CAMK4: variants seen among roughly 807,000 people sequenced by gnomAD.
The protein encoded by CAMK4 is calcium/calmodulin dependent protein kinase IV, also known as calcium/calmodulin-dependent protein kinase type IV.
Under a neutral mutation model 44.9 loss-of-function variants are expected in CAMK4, and 22 were observed. The observed-to-expected ratio is 0.49, with a 90% CI of 0.35 to 0.70. CAMK4 has a LOEUF of 0.70. Among genes scored for constraint, CAMK4 ranks in the 30% least tolerant of loss-of-function variants. The probability of loss-of-function intolerance (pLI) is 0.01; values close to 1 mark genes in which losing one functional copy is unlikely to be tolerated. For synonymous variants in CAMK4, 218 were observed against 215.4 expected, an observed-to-expected ratio of 1.01 and a Z score of -0.11; for missense variants, 498 against 586.8, an observed-to-expected ratio of 0.85 and a Z score of 1.56.
intron 5 of CAMK4, among the ~76,000 whole-genome samples, chr5:111,399,517 T>G (rs532162470): frequency 6.6e-6 from 1 of 152,230 alleles, no homozygotes; most frequent in Admixed American, 6.5e-5. Flanking sequence ...CTGTTCACCT[T>G]TATATTCCCA....
At chr5:111,329,614 G>T (rs187654900) in intron 1 of CAMK4, among the ~76,000 whole-genome samples, 5 of 151,812 alleles carry the variant, frequency 3.3e-5, no homozygotes, top group Non-Finnish European at 7.4e-5. Flanking sequence ...GAACCCAGAA[G>T]TATAAATAAT....
chr5:111,423,612 C>A (rs1052520584), intron 5 of CAMK4, among the ~76,000 whole-genome samples: 1 of 152,204 alleles, frequency 6.6e-6, no homozygotes, highest in African/African-American at 2.4e-5. Flanking sequence ...GGCTCTCGAT[C>A]CTGCAGATTT....
chr5:111,446,487 A>T (rs1754032343), intron 5 of CAMK4, among the ~76,000 whole-genome samples, 199 bp from the exon 6 acceptor site: 1 of 152,226 alleles, frequency 6.6e-6, no homozygotes, highest in South Asian at 2.1e-4. Flanking sequence ...TTTAAATTGC[A>T]TCACATTTAG....
intron 1 of CAMK4, among the ~76,000 whole-genome samples, chr5:111,259,147 T>A (rs1216385069): frequency 6.6e-6 from 1 of 152,046 alleles, no homozygotes; most frequent in African/African-American, 2.4e-5. Flanking sequence ...AGAGGCAGAG[T>A]TTGTTTTCTT....
At chr5:111,341,885 C>T (rs998159823) in intron 1 of CAMK4, among the ~76,000 whole-genome samples, 2 of 151,316 alleles carry the variant, frequency 1.3e-5, no homozygotes, top group African/African-American at 4.8e-5. Context: ...TCACCTCTAC[C>T]CCAATCCAAT....
At chr5:111,393,450 T>C (rs1376297195) in intron 4 of CAMK4, among the ~76,000 whole-genome samples, 1 of 151,938 alleles carries the variant, frequency 6.6e-6, no homozygotes, top group African/African-American at 2.4e-5. Context: ...GAGATATTTC[T>C]CTGCCCCTTT....
intron 4 of CAMK4, among the ~76,000 whole-genome samples, chr5:111,392,816 C>G (rs1457853625): frequency 1.3e-5 from 2 of 152,064 alleles, no homozygotes; most frequent in Admixed American, 1.3e-4. Context: ...TATTCTAGGT[C>G]TGAGGCAGCA....
At chr5:111,432,486 A>G (rs949725508) in intron 5 of CAMK4, among the ~76,000 whole-genome samples, 2 of 151,956 alleles carry the variant, frequency 1.3e-5, no homozygotes, top group African/African-American at 2.4e-5. Flanking sequence ...TGTGTGTTTA[A>G]AAATAACTAA....
Position 111,344,079 on chromosome 5 carries a change from G to C in CAMK4, c.217G>C (p.Ala73Pro). The C allele has an allele frequency of 6.2e-7, 1 of 1,604,196 alleles. No individual in the cohort carries two copies. The highest frequency in any genetic ancestry group is 8.5e-7 in the Non-Finnish European group (1 of 1,171,870). The change falls in exon 2 of 11, where the codon GCT becomes CCT. Residue 73 changes from alanine to proline, a missense_variant. Ala to Pro is a conservative substitution (Grantham distance 27). This residue lies in a region of CAMK4 where 152 missense variants were observed against 143.7 expected (regional missense o/e 1.06). Transcript: ENST00000282356. ...ACAGAAGGGGACCCAGAAGCCTTAT[G>C]CTCTCAAAGTGTTAAAGAAAACAGT... ...CKQKGTQKPY[A>P]LKVLKKTVDK...
At chr5:111,471,069 T>A (rs31615) in intron 7 of CAMK4, among the ~76,000 whole-genome samples, 109,454 of 152,108 alleles carry the variant, frequency 0.72, 40,104 homozygotes, top group Non-Finnish European at 0.79. Flanking sequence ...AGAATTATAC[T>A]GTTGAAGCCA....
At chr5:111,296,269 T>C (rs1466088871) in intron 1 of CAMK4, among the ~76,000 whole-genome samples, 3 of 152,246 alleles carry the variant, frequency 2.0e-5, no homozygotes, top group Non-Finnish European at 2.9e-5. Flanking sequence ...TTAGGAAATA[T>C]ATGGAAATAT....
rs148748911 is a variant in CAMK4 at position 111,279,697 on chromosome 5, T to C, written c.161+55053T>C. 3.3e-5 allele frequency among the ~76,000 whole-genome samples: 5 copies of C among 151,628 alleles called. No individual in the cohort carries two copies. The East Asian group carries it at 7.7e-4, about 23-fold the overall frequency. ...ATGGTACTCATTATATTGCTTTTTA[T>C]TTGGCAGTGCACTACACAGTGTGTG... On this transcript the variant is annotated intron_variant, in intron 1 of 10. Coordinates refer to ENST00000282356, the MANE Select transcript of CAMK4 (RefSeq NM_001744.6).
intron 1 of CAMK4, among the ~76,000 whole-genome samples, chr5:111,333,042 G>T (rs888888915): frequency 6.6e-6 from 1 of 151,630 alleles, no homozygotes; most frequent in East Asian, 1.9e-4. Context: ...ATTGAGGACT[G>T]AGGTATATAG....
intron 8 of CAMK4, among the ~76,000 whole-genome samples, chr5:111,477,682 A>G (rs1755295953): frequency 6.6e-6 from 1 of 152,220 alleles, no homozygotes. Context: ...GTAGAAAATG[A>G]TACAAAGAAT....
At chr5:111,287,438 T>C (rs1180434251) in intron 1 of CAMK4, among the ~76,000 whole-genome samples, 1 of 152,246 alleles carries the variant, frequency 6.6e-6, no homozygotes, top group Admixed American at 6.5e-5. Flanking sequence ...TCTCATAGTT[T>C]ATATGAAATC....
intron 1 of CAMK4, among the ~76,000 whole-genome samples, chr5:111,336,195 T>C (rs983212160): frequency 5.3e-5 from 8 of 151,172 alleles, no homozygotes; most frequent in Admixed American, 1.3e-4. Context: ...TAAAGCTTTA[T>C]TTTTTTCAGT....
At chr5:111,319,297 A>T (rs1748562904) in intron 1 of CAMK4, among the ~76,000 whole-genome samples, 1 of 152,184 alleles carries the variant, frequency 6.6e-6, no homozygotes, top group African/African-American at 2.4e-5. Flanking sequence ...TCCACAAGAG[A>T]CTGTGTGTCT....
Position 111,484,469 on chromosome 5 carries a change from A to T in CAMK4, c.*3A>T, listed in dbSNP as rs1755545957. The T allele has an allele frequency of 6.7e-7, 1 of 1,489,224 alleles. No homozygotes were observed. Among genetic ancestry groups the T allele is most frequent in the East Asian group, 2.3e-5 (1 of 43,562 alleles). The allele number at this position is 1,489,224 out of a possible 1,614,324, so 92.3% of individuals were successfully genotyped here. ...ATGTGATCCTGCCAGAGTACTAAACAGCTTCCTTCAGATCTGGAAGCCAAA... is the reference window on the plus strand; with the variant it reads ...ATGTGATCCTGCCAGAGTACTAAACTGCTTCCTTCAGATCTGGAAGCCAAA... On this transcript the variant is annotated 3_prime_UTR_variant, in exon 11 of 11. Coordinates refer to ENST00000282356, the MANE Select transcript of CAMK4 (RefSeq NM_001744.6). The surrounding 1 kb of genome is among the most constrained non-coding windows in gnomAD (Gnocchi z 5.3).
At chr5:111,258,165 G>A (rs553504090) in intron 1 of CAMK4, among the ~76,000 whole-genome samples, 2 of 152,178 alleles carry the variant, frequency 1.3e-5, no homozygotes, top group Non-Finnish European at 2.9e-5. Flanking sequence ...TAAAATCCTG[G>A]AACTTAAAAA....
Sources: gnomAD v4.1 joint callset for allele counts (sites outside exome capture counted in the v4.1 genomes callset) on GRCh38, gnomAD v4.1.1 for gene constraint, gnomAD v4.1.1 regional missense constraint, Gnocchi (gnomAD v3.1) non-coding constraint, MANE v1.5 for transcripts, NCBI Gene and HGNC (gene_info 2026-07-23, HGNC 2026-07-21) for gene names.